The following TCF4 variants were observed in gnomAD, a reference collection of about 807,000 sequenced individuals.
TCF4 encodes the protein SL3-3 enhancer factor 2.
TCF4 carries 3 observed loss-of-function variants against 82.1 expected under a neutral mutation model. The observed-to-expected ratio is 0.04, with a 90% confidence interval of 0.02 to 0.09. TCF4 has a LOEUF of 0.09. Ranked by LOEUF, TCF4 falls within the 10% of genes least tolerant of loss-of-function variation. TCF4 has a pLI of 1.00. For synonymous variants in TCF4, 276 were observed against 309.6 expected (o/e 0.89, Z 1.14); for missense variants, 518 against 852.7 (o/e 0.61, Z 4.89).
intron 2 of TCF4, among the ~76,000 whole-genome samples, chr18:55,599,832 A>G (rs2097694973): frequency 1.3e-5 from 2 of 152,224 alleles, no homozygotes; most frequent in African/African-American, 4.8e-5. Context: ...AGATCAAGAT[A>G]TGAAACATTT....
intron 8 of TCF4, among the ~76,000 whole-genome samples, chr18:55,329,099 T>C (rs1302353351): frequency 6.6e-6 from 1 of 152,146 alleles, no homozygotes; most frequent in African/African-American, 2.4e-5. Flanking sequence ...AATTTTAAAA[T>C]GCAAGTGAAT....
chr18:55,536,426 T>C (rs749399040), intron 3 of TCF4, among the ~76,000 whole-genome samples: 2 of 152,138 alleles, frequency 1.3e-5, no homozygotes, highest in Admixed American at 6.5e-5. Flanking sequence ...TAGGAACAAA[T>C]CTACAAAAGA....
At chr18:55,631,083 T>G (rs1047521610) in intron 2 of TCF4, among the ~76,000 whole-genome samples, 1 of 147,650 alleles carries the variant, frequency 6.8e-6, no homozygotes, top group Admixed American at 6.8e-5. Flanking sequence ...AGAATCTCAC[T>G]CTGTCACCCA....
chr18:55,512,026 T>C (rs762817905), intron 3 of TCF4, among the ~76,000 whole-genome samples: 1 of 152,160 alleles, frequency 6.6e-6, no homozygotes, highest in Admixed American at 6.5e-5. Context: ...AAACGTTCAG[T>C]GTCATTAATC....
intron 6 of TCF4, among the ~76,000 whole-genome samples, chr18:55,383,526 T>C (rs1360187227): frequency 6.6e-6 from 1 of 152,138 alleles, no homozygotes; most frequent in Non-Finnish European, 1.5e-5. Flanking sequence ...CAGTAGATGC[T>C]CAAATAGAGC....
intron 17 of TCF4, chr18:55,231,682 G>A (rs1346670355): frequency 1.3e-5 from 2 of 152,182 alleles, no homozygotes; most frequent in African/African-American, 4.8e-5. Context: ...GAAGTATTCG[G>A]CATTTTTAAA....
chr18:55,540,062 C>T (rs2097152445), intron 3 of TCF4, among the ~76,000 whole-genome samples: 1 of 151,066 alleles, frequency 6.6e-6, no homozygotes, highest in Admixed American at 6.6e-5. Flanking sequence ...AAAAAGTAGA[C>T]TATATTAAAT....
intron 6 of TCF4, among the ~76,000 whole-genome samples, chr18:55,386,627 G>A (rs541151543): frequency 6.6e-6 from 1 of 152,252 alleles, no homozygotes; most frequent in South Asian, 2.1e-4. Context: ...CAATACAGGA[G>A]CATATCAAGG....
intron 8 of TCF4, among the ~76,000 whole-genome samples, chr18:55,293,931 CTTTTT>C (rs781150808): frequency 5.2e-4 from 21 of 40,054 alleles, no homozygotes; most frequent in Middle Eastern, 0.036. Flanking sequence ...TTTCCAAGGA[CTTTTT>C]TTTTTTTTTT....
At chr18:55,602,375 AG>A (rs1021112617) in intron 2 of TCF4, among the ~76,000 whole-genome samples, 6 of 152,156 alleles carry the variant, frequency 3.9e-5, no homozygotes, top group Non-Finnish European at 5.9e-5. Context: ...CAGCTTTTTT[AG>A]CCATTCCTTT....
intron 6 of TCF4, among the ~76,000 whole-genome samples, chr18:55,396,093 A>AGACAGGGTT (rs1569353109): frequency 1.3e-5 from 2 of 152,112 alleles, no homozygotes; most frequent in Non-Finnish European, 2.9e-5. Flanking sequence ...TGGGCCTGGA[A>AGACAGGGTT]TCGACCAGAC....
intron 8 of TCF4, among the ~76,000 whole-genome samples, chr18:55,280,623 T>G (rs1350690919): frequency 6.6e-6 from 1 of 152,126 alleles, no homozygotes; most frequent in Non-Finnish European, 1.5e-5. Flanking sequence ...GTCATCCTCT[T>G]GATGAAAATG....
chr18:55,392,032 G>A (rs1314351165), intron 6 of TCF4, among the ~76,000 whole-genome samples: 1 of 122,744 alleles, frequency 8.1e-6, no homozygotes. Context: ...GGCGTGATCT[G>A]GGCTCACTGC....
In TCF4 at chr18:55,422,113, A is replaced by AC. The variant is rs1339805469; in HGVS notation, c.305-18596dup. The stretch of plus-strand genomic sequence containing the variant: ...AAAGAAAAAGCACAAAAAAAAAAAA[A>AC]CCACTATCATCCAAAAAAAAAAAAA... On this transcript the variant is annotated intron_variant, in intron 5 of 19. Transcript: ENST00000354452. 3.1e-4 allele frequency: 219 copies of AC among 712,934 alleles called. 1 individual carries two copies. In the African/African-American group the frequency reaches 3.8e-3, roughly 12 times the overall value. 44.2% of individuals were successfully genotyped at this position (712,934 alleles called of 1,614,324 possible). A position where few individuals can be genotyped will look rare whatever the true frequency, so the allele number is the denominator to read the frequency against.
At chr18:55,277,488 T>G (rs1568634118) in intron 9 of TCF4, among the ~76,000 whole-genome samples, 1 of 152,220 alleles carries the variant, frequency 6.6e-6, no homozygotes, top group Non-Finnish European at 1.5e-5. Flanking sequence ...ATTATGCTTT[T>G]CACAGTAAAT....
At chr18:55,398,472 T>G (rs2093623622) in intron 6 of TCF4, among the ~76,000 whole-genome samples, 1 of 152,140 alleles carries the variant, frequency 6.6e-6, no homozygotes, top group African/African-American at 2.4e-5. Flanking sequence ...TTTCCAGATA[T>G]ACAGGCCTAG....
At chr18:55,635,820 G>A (rs1180481172) in exon 1 of TCF4, 42 of 1,557,416 alleles carry the variant, frequency 2.7e-5, no homozygotes, top group Non-Finnish European at 3.5e-5. Context: ...CCATCTTTGA[G>A]TAATTTGTCA....
chr18:55,544,138 C>T (rs765442892), intron 3 of TCF4, among the ~76,000 whole-genome samples: 4 of 152,156 alleles, frequency 2.6e-5, no homozygotes, highest in Admixed American at 6.5e-5. Flanking sequence ...AGAGTGCTGA[C>T]GACATGTATG....
intron 3 of TCF4, among the ~76,000 whole-genome samples, chr18:55,577,203 T>TATATATATATGTATATATAC (rs2097537499): frequency 3.6e-5 from 1 of 27,698 alleles, no homozygotes; most frequent in Non-Finnish European, 5.9e-5. Context: ...TACATTTATA[T>TATATATATATGTATATATAC]ATTTATATAA....
Sources: gnomAD v4.1 joint callset for allele counts (sites outside exome capture counted in the v4.1 genomes callset) on GRCh38, gnomAD v4.1.1 for gene constraint, MANE v1.5 for transcripts, NCBI Gene and HGNC (gene_info 2026-07-23, HGNC 2026-07-21) for gene names.